The following TAFA5 variants were observed in gnomAD, a reference collection of about 807,000 sequenced individuals.
The protein encoded by TAFA5 is chemokine-like protein TAFA-5.
Under a neutral mutation model 15.3 loss-of-function variants are expected in TAFA5, and 6 were observed. That is an observed-to-expected ratio of 0.39 (90% CI 0.21 to 0.77). The LOEUF (loss-of-function observed/expected upper bound fraction) is 0.77. Ranked by LOEUF, TAFA5 falls within the 30% of genes least tolerant of loss-of-function variation. TAFA5 has a pLI of 0.41. For synonymous variants in TAFA5, 103 were observed against 80.7 expected, an observed-to-expected ratio of 1.28 and a Z score of -1.48; for missense variants, 161 against 193.1, an observed-to-expected ratio of 0.83 and a Z score of 0.98.
rs765047191 is a variant in TAFA5 at position 48,560,997 on chromosome 22, C to T, written c.112+71293C>T. Among the ~76,000 whole-genome samples, 13 of 152,140 alleles carry T rather than the reference C, an allele frequency of 8.5e-5. No homozygotes were observed. The highest frequency in any genetic ancestry group is 1.8e-4 in the Non-Finnish European group (12 of 68,022). Reference sequence around the variant, plus strand: ...CAGTCCTCTACACCTGGGGATGGAGCGGTTCCCTGTGTGGGTGACACTGGG... The same window carrying T: ...CAGTCCTCTACACCTGGGGATGGAGTGGTTCCCTGTGTGGGTGACACTGGG... On this transcript the variant is annotated intron_variant, in intron 1 of 3. Coordinates refer to ENST00000402357, the MANE Select transcript of TAFA5 (RefSeq NM_001082967.3). This position sits in a 1 kb window ranked among gnomAD's most constrained non-coding sequence, Gnocchi z 4.2.
chr22:48,636,292 C>A (rs1304798505), intron 1 of TAFA5, among the ~76,000 whole-genome samples: 1 of 152,224 alleles, frequency 6.6e-6, no homozygotes. Context: ...CGTGGGGGAA[C>A]CGGGCTTCCA....
chr22:48,556,349 C>T (rs1371234204), intron 1 of TAFA5, among the ~76,000 whole-genome samples: 3 of 152,182 alleles, frequency 2.0e-5, no homozygotes, highest in Non-Finnish European at 4.4e-5. Flanking sequence ...GCTGCATCTC[C>T]ATCCTGCGCA....
At chr22:48,543,111 G>C (rs1488672533) in intron 1 of TAFA5, among the ~76,000 whole-genome samples, 1 of 151,892 alleles carries the variant, frequency 6.6e-6, no homozygotes, top group East Asian at 1.9e-4. Context: ...CATCCACCTG[G>C]AGCCCTCCAC....
chr22:48,614,461 C>T (rs569835260), intron 1 of TAFA5, among the ~76,000 whole-genome samples: 1 of 152,344 alleles, frequency 6.6e-6, no homozygotes, highest in South Asian at 2.1e-4. Context: ...TTGCACGACA[C>T]TTGCTGGTTT....
At chr22:48,591,441 G>A (rs886554542) in intron 1 of TAFA5, among the ~76,000 whole-genome samples, 3 of 152,244 alleles carry the variant, frequency 2.0e-5, no homozygotes, top group African/African-American at 2.4e-5. Context: ...CAGGGCTTGC[G>A]ATGCCTCAGT....
At chr22:48,648,846 A>C (rs896772168) in intron 2 of TAFA5, among the ~76,000 whole-genome samples, 7 of 152,218 alleles carry the variant, frequency 4.6e-5, no homozygotes, top group African/African-American at 1.4e-4. Context: ...AAACAAAAAA[A>C]GAATGCTGGT....
intron 3 of TAFA5, among the ~76,000 whole-genome samples, chr22:48,725,770 G>C (rs1399082082): frequency 1.3e-5 from 2 of 149,224 alleles, no homozygotes; most frequent in Admixed American, 6.7e-5. Context: ...CAGATAAAGA[G>C]AAGTTGGTAG....
At chr22:48,533,581 G>A (rs1466356341) in intron 1 of TAFA5, among the ~76,000 whole-genome samples, 1 of 152,188 alleles carries the variant, frequency 6.6e-6, no homozygotes, top group Non-Finnish European at 1.5e-5. Flanking sequence ...ACGCCAGGAA[G>A]GGGTCACACC....
intron 1 of TAFA5, among the ~76,000 whole-genome samples, chr22:48,635,701 A>C (rs1926420378): frequency 6.6e-6 from 1 of 152,126 alleles, no homozygotes; most frequent in Non-Finnish European, 1.5e-5. Flanking sequence ...CTGCAGGTGC[A>C]GCCTGGGGAC....
At chr22:48,502,667 G>T (rs1920959419) in intron 1 of TAFA5, among the ~76,000 whole-genome samples, 1 of 151,650 alleles carries the variant, frequency 6.6e-6, no homozygotes, top group Admixed American at 6.6e-5. Flanking sequence ...GACTACAGGC[G>T]CCCGCCACCA....
intron 2 of TAFA5, among the ~76,000 whole-genome samples, chr22:48,667,614 A>G (rs995383131): frequency 6.6e-6 from 1 of 152,178 alleles, no homozygotes; most frequent in Non-Finnish European, 1.5e-5. Flanking sequence ...GCACTGCGTT[A>G]TAACTCCTGC....
At position 48,679,675 on chromosome 22, in the gene TAFA5, T is replaced by A. The variant is rs71314872; in HGVS notation, c.263-28042T>A. On this transcript the variant is annotated intron_variant, in intron 2 of 3. Transcript: ENST00000402357. ...GGGCTCCCCGTCCATCCCTCTCCCG[T>A]CTCCCCGTCCATCCCTCTCCCGTCT... is the stretch of plus-strand genomic sequence containing the variant. Among the ~76,000 whole-genome samples, 4 of 55,508 alleles carry A rather than the reference T, an allele frequency of 7.2e-5. 1 individual carries two copies. The highest frequency in any genetic ancestry group is 3.6e-4 in the African/African-American group (4 of 11,242). The allele number at this position is 55,508 out of a possible 152,430, so 36.4% of individuals were successfully genotyped here. A position where few individuals can be genotyped will look rare whatever the true frequency, so the allele number is the denominator to read the frequency against.
intron 1 of TAFA5, among the ~76,000 whole-genome samples, chr22:48,548,099 G>A (rs1165167889): frequency 6.6e-6 from 1 of 152,224 alleles, no homozygotes; most frequent in Non-Finnish European, 1.5e-5. Context: ...GGTGCTGCAG[G>A]TGCACAGGCC....
chr22:48,621,045 CATCCACCCACCA>C (rs1285367826), intron 1 of TAFA5, among the ~76,000 whole-genome samples: 1 of 119,172 alleles, frequency 8.4e-6, no homozygotes, highest in Non-Finnish European at 1.8e-5. Flanking sequence ...CCCTCCCACC[CATCCACCCACCA>C]ACCTATCCTA....
At chr22:48,590,596 C>T (rs1924532108) in intron 1 of TAFA5, among the ~76,000 whole-genome samples, 1 of 152,100 alleles carries the variant, frequency 6.6e-6, no homozygotes, top group Admixed American at 6.5e-5. Context: ...CTGGGCCGAG[C>T]TGACCACGAG....
intron 3 of TAFA5, among the ~76,000 whole-genome samples, chr22:48,733,935 C>G (rs1337558448): frequency 6.6e-6 from 1 of 152,190 alleles, no homozygotes; most frequent in Non-Finnish European, 1.5e-5. Context: ...TTCAGCCCCA[C>G]CTGCCAAGAG....
chr22:48,562,255 A>G (rs1923257838), intron 1 of TAFA5, among the ~76,000 whole-genome samples: 1 of 152,016 alleles, frequency 6.6e-6, no homozygotes. Context: ...CTCCTGCCTC[A>G]GCCTCCTGAG....
chr22:48,584,467 A>C lies in TAFA5; in HGVS notation c.113-62130A>C, dbSNP rs189508311. 3.5e-5 allele frequency among the ~76,000 whole-genome samples: 5 copies of C among 144,826 alleles called. No individual in the cohort carries two copies. The East Asian group carries it at 8.5e-4, about 25-fold the overall frequency. On this transcript the variant is annotated intron_variant, in intron 1 of 3. Transcript: ENST00000402357. ...ACCACACACGTACACACCACACACA[A>C]AATATACTACACATTCACACCACAC...
In TAFA5 at chr22:48,566,004, T is replaced by C. The variant is rs1466241834; in HGVS notation, c.112+76300T>C. 6.7e-6 allele frequency among the ~76,000 whole-genome samples: 1 copy of C among 148,602 alleles called. No homozygotes were observed. The highest frequency in any genetic ancestry group is 2.1e-4 in the East Asian group (1 of 4,858). The stretch of plus-strand genomic sequence containing the variant: ...GATGGATGGACAGATGGATGTATGA[T>C]GGATGGATTGTGGCTAGATGGATGA... On this transcript the variant is annotated intron_variant, in intron 1 of 3. Transcript: ENST00000402357. The surrounding 1 kb of genome is among the most constrained non-coding windows in gnomAD (Gnocchi z 4.5).
Sources: gnomAD v4.1 joint callset for allele counts (sites outside exome capture counted in the v4.1 genomes callset) on GRCh38, gnomAD v4.1.1 for gene constraint, Gnocchi (gnomAD v3.1) non-coding constraint, MANE v1.5 for transcripts, NCBI Gene and HGNC (gene_info 2026-07-23, HGNC 2026-07-21) for gene names.